RNF217: variants seen among roughly 807,000 people sequenced by gnomAD.
RNF217 encodes ring finger protein 217.
A neutral mutation model predicts 57.8 loss-of-function variants in RNF217; 31 were observed. The ratio of observed to expected loss-of-function variants is 0.54; its 90% CI spans 0.40 to 0.72. RNF217 has a LOEUF of 0.72. RNF217 is among the 30% of genes least tolerant of loss of function. The pLI, the probability that RNF217 is intolerant of heterozygous loss-of-function variation, is 0.00. For missense variants in RNF217, 696 were observed against 708.3 expected, an observed-to-expected ratio of 0.98 and a Z score of 0.20; for synonymous variants, 313 against 294.0, an observed-to-expected ratio of 1.06 and a Z score of -0.66.
chr6:124,979,532 C>G (rs999717093), intron 1 of RNF217, among the ~76,000 whole-genome samples: 14 of 152,104 alleles, frequency 9.2e-5, no homozygotes, highest in Non-Finnish European at 1.6e-4. Flanking sequence ...GCAGAAGGAC[C>G]TGAGCAAGTG....
chr6:124,962,552 A>G lies in RNF217; in HGVS notation c.8A>G (p.Glu3Gly). 1 of 1,211,968 alleles carries G rather than the reference A, an allele frequency of 8.3e-7. No individual in the cohort carries two copies. Among genetic ancestry groups the G allele is most frequent in the South Asian group, 3.8e-5 (1 of 26,422 alleles). 75.1% of individuals were successfully genotyped at this position (1,211,968 alleles called of 1,614,324 possible). The part of the protein sequence containing the change: MG[E>G]EQSTVSGGGG... Reference sequence around the variant, plus strand: ...CGCGGGCCGCGGGCGGCGATGGGCGAGGAGCAGAGCACGGTGAGCGGCGGC... The same window carrying G: ...CGCGGGCCGCGGGCGGCGATGGGCGGGGAGCAGAGCACGGTGAGCGGCGGC... Residue 3 changes from glutamate to glycine, a missense_variant, in exon 1 of 6, where the codon GAG (glutamate) becomes GGG (glycine). Glu to Gly is a moderately conservative substitution (Grantham distance 98). Coordinates refer to ENST00000521654, the MANE Select transcript of RNF217 (RefSeq NM_001286398.3). The surrounding 1 kb of genome is among the most constrained non-coding windows in gnomAD (Gnocchi z 4.6).
At chr6:125,056,781 C>T (rs1257972652) in intron 2 of RNF217, among the ~76,000 whole-genome samples, 1 of 152,084 alleles carries the variant, frequency 6.6e-6, no homozygotes, top group Non-Finnish European at 1.5e-5. Context: ...CCATTGTAAT[C>T]ACATGGGGCT....
chr6:125,036,247 G>A (rs1252293202), intron 1 of RNF217, among the ~76,000 whole-genome samples: 1 of 152,082 alleles, frequency 6.6e-6, no homozygotes, highest in Non-Finnish European at 1.5e-5. Context: ...CCCTGCAAAG[G>A]ACGTGAACTC....
intron 1 of RNF217, among the ~76,000 whole-genome samples, chr6:125,016,953 T>A (rs919839323): frequency 2.6e-5 from 4 of 152,068 alleles, no homozygotes; most frequent in African/African-American, 7.2e-5. Context: ...GAAATTAGAA[T>A]CAATAAGGAA....
At chr6:125,025,334 G>C (rs146775843) in intron 1 of RNF217, among the ~76,000 whole-genome samples, 1 of 152,246 alleles carries the variant, frequency 6.6e-6, no homozygotes, top group African/African-American at 2.4e-5. Context: ...CAGATGATAA[G>C]GACTGGAGAC....
At chr6:125,003,701 G>A (rs1424558571) in intron 1 of RNF217, among the ~76,000 whole-genome samples, 4 of 151,926 alleles carry the variant, frequency 2.6e-5, no homozygotes, top group Non-Finnish European at 5.9e-5. Context: ...TTATAAATAT[G>A]TATATATAAT....
chr6:124,994,403 T>G (rs949042803), intron 1 of RNF217, among the ~76,000 whole-genome samples: 1 of 152,318 alleles, frequency 6.6e-6, no homozygotes, highest in Non-Finnish European at 1.5e-5. Flanking sequence ...AACGGAGACA[T>G]AATTACACCT....
chr6:125,006,189 C>T (rs1024125741), intron 1 of RNF217: 3 of 152,074 alleles, frequency 2.0e-5, no homozygotes, highest in African/African-American at 7.2e-5. Context: ...TAGAGTATCC[C>T]TTTATGTTGG....
At chr6:125,074,048 G>C (rs520297) in intron 3 of RNF217, among the ~76,000 whole-genome samples, 69,269 of 151,494 alleles carry the variant, frequency 0.46, 16,124 homozygotes, top group Middle Eastern at 0.54. Flanking sequence ...TAAGGCAGAA[G>C]CTTACCTGCC....
intron 1 of RNF217, among the ~76,000 whole-genome samples, chr6:124,980,983 G>A (rs774843263): frequency 6.6e-6 from 1 of 152,114 alleles, no homozygotes; most frequent in Non-Finnish European, 1.5e-5. Flanking sequence ...CATAAACTCT[G>A]TACGTTTGTT....
intron 1 of RNF217, among the ~76,000 whole-genome samples, chr6:124,972,201 T>A (rs1308646532): frequency 6.6e-6 from 1 of 152,214 alleles, no homozygotes; most frequent in African/African-American, 2.4e-5. Context: ...TGAGCTATTC[T>A]TCTCCCTTAT....
intron 3 of RNF217, among the ~76,000 whole-genome samples, chr6:125,061,134 T>C (rs1255242382): frequency 6.6e-6 from 1 of 152,138 alleles, no homozygotes; most frequent in Non-Finnish European, 1.5e-5. Context: ...GTTGATGATA[T>C]TCATCTAGAA....
chr6:124,967,390 T>A (rs1195527173), intron 1 of RNF217, among the ~76,000 whole-genome samples: 1 of 152,238 alleles, frequency 6.6e-6, no homozygotes, highest in African/African-American at 2.4e-5. Flanking sequence ...ATTTTTCTTT[T>A]ATGATTTGGT....
intron 1 of RNF217, among the ~76,000 whole-genome samples, chr6:124,993,762 T>G (rs1784648471): frequency 6.6e-6 from 1 of 152,024 alleles, no homozygotes. Context: ...TCAGATGAGA[T>G]CTAAGGGTAA....
At chr6:125,044,226 T>A (rs769287877) in intron 1 of RNF217, among the ~76,000 whole-genome samples, 1 of 152,024 alleles carries the variant, frequency 6.6e-6, no homozygotes, top group Non-Finnish European at 1.5e-5. Context: ...GGGTTTGGTG[T>A]TGTTTGTCAT....
intron 4 of RNF217, among the ~76,000 whole-genome samples, chr6:125,080,701 A>G (rs1788544345): frequency 1.3e-5 from 2 of 152,094 alleles, no homozygotes; most frequent in African/African-American, 2.4e-5. Flanking sequence ...TGCTATGTAT[A>G]CTTATGGCTA....
chr6:125,082,326 C>A, intron 5 of RNF217: 2 of 972,900 alleles, frequency 2.1e-6, no homozygotes, highest in South Asian at 2.4e-5. Context: ...TTTCGTATGT[C>A]AACTTGGGTT....
chr6:125,070,745 A>G (rs1173167137), intron 3 of RNF217, among the ~76,000 whole-genome samples: 2 of 152,092 alleles, frequency 1.3e-5, no homozygotes, highest in Non-Finnish European at 2.9e-5. Context: ...TTTTGTTTCT[A>G]ATTAATTCTT....
At chr6:125,042,101 G>A (rs1376771785) in intron 1 of RNF217, among the ~76,000 whole-genome samples, 1 of 152,112 alleles carries the variant, frequency 6.6e-6, no homozygotes, top group Non-Finnish European at 1.5e-5. Flanking sequence ...GTGATCTTTT[G>A]AGGAAAATTT....
Sources: allele counts gnomAD v4.1 joint callset (sites outside exome capture counted in the v4.1 genomes callset), GRCh38; gene constraint gnomAD v4.1.1; non-coding constraint Gnocchi (gnomAD v3.1); transcripts MANE v1.5; gene names NCBI Gene and HGNC (gene_info 2026-07-23, HGNC 2026-07-21).